FEZ1: variants seen among roughly 807,000 people sequenced by gnomAD.
FEZ1 encodes the protein fasciculation and elongation protein zeta-1.
In FEZ1, 20 loss-of-function variants were observed where a neutral mutation model predicts 49.3. The observed-to-expected ratio is 0.41, with a 90% CI of 0.29 to 0.59. FEZ1 has a LOEUF of 0.59. FEZ1 is among the 20% of genes least tolerant of loss of function. The pLI, the probability that FEZ1 is intolerant of heterozygous loss-of-function variation, is 0.36. For synonymous variants in FEZ1, 170 were observed against 180.9 expected (o/e 0.94, Z 0.48); for missense variants, 413 against 476.0 (o/e 0.87, Z 1.23).
In FEZ1 at chr11:125,483,240, G is replaced by A. The variant is rs540561326; in HGVS notation, c.312-1607C>T. On this transcript the variant is annotated intron_variant, in intron 2 of 9. Coordinates refer to ENST00000278919, the MANE Select transcript of FEZ1 (RefSeq NM_005103.5). ...ATTTTGTTTGTATCAGGAATGCGAC[G>A]TGATATATGGGTTTTAAAAGCAAAA... 1.9e-3 allele frequency among the ~76,000 whole-genome samples: 291 copies of A among 152,126 alleles called. 1 individual carries two copies. Among genetic ancestry groups the A allele is most frequent in the African/African-American group, 6.6e-3 (272 of 41,526 alleles).
chr11:125,471,304 C>G (rs1957180854), intron 3 of FEZ1, among the ~76,000 whole-genome samples: 1 of 151,972 alleles, frequency 6.6e-6, no homozygotes, highest in Admixed American at 6.6e-5. Flanking sequence ...ATAAACTAAA[C>G]ACAATAATCA....
At chr11:125,492,766 A>G (rs77205274) in intron 1 of FEZ1, among the ~76,000 whole-genome samples, 1,829 of 152,284 alleles carry the variant, frequency 0.012, 33 homozygotes, top group African/African-American at 0.032. Flanking sequence ...TGTTAAGTAC[A>G]ATGTGCAGAA....
At chr11:125,493,100 G>C (rs992882367) in intron 1 of FEZ1, among the ~76,000 whole-genome samples, 1 of 151,674 alleles carries the variant, frequency 6.6e-6, no homozygotes, top group Non-Finnish European at 1.5e-5. Flanking sequence ...GCTGAGGTGC[G>C]TGGATCACCT....
Position 125,460,654 on chromosome 11 carries a change from T to C in FEZ1, c.511A>G (p.Ile171Val). 6.2e-7 allele frequency: 1 copy of C among 1,613,836 alleles called. No homozygotes were observed. Among genetic ancestry groups the C allele is most frequent in the Admixed American group, 1.7e-5 (1 of 60,014 alleles). Residue 171 changes from isoleucine to valine, a missense_variant, in exon 5 of 10, where the codon ATT (isoleucine) becomes GTT (valine). Transcript: ENST00000278919. ...LLTADQVIEE[I>V]EEMMQNSPDP... ...GGGGAGTTCTGCATCATTTCCTCAA[T>C]CTCCTCAATTACCTGAAGAAGGTAC... is the stretch of plus-strand genomic sequence containing the variant.
intron 4 of FEZ1, among the ~76,000 whole-genome samples, chr11:125,461,733 T>C (rs1957077128): frequency 6.6e-6 from 1 of 152,240 alleles, no homozygotes; most frequent in Admixed American, 6.5e-5. Context: ...CTGTTCTCCA[T>C]GGATGGACTA....
In FEZ1 at chr11:125,460,697, C is replaced by T. The variant is rs767654767; in HGVS notation, c.499-31G>A. On this transcript the variant is annotated intron_variant, in intron 4 of 9. Transcript: ENST00000278919. ...GAAGGTACACGAGAGAGTGCTAACT[C>T]TGTTCTCTGCTAGAGGGGCATTCTG... 6.9e-6 allele frequency: 11 copies of T among 1,601,790 alleles called. No individual in the cohort carries two copies. The Admixed American group carries it at 1.5e-4, about 22-fold the overall frequency.
At chr11:125,449,962 T>G (rs754066388) in intron 8 of FEZ1, among the ~76,000 whole-genome samples, 2 of 152,038 alleles carry the variant, frequency 1.3e-5, no homozygotes, top group Non-Finnish European at 2.9e-5. Context: ...GTTTTATTTC[T>G]TCTGTATCTT....
At chr11:125,452,287 G>A (rs1373193558) in intron 8 of FEZ1, 47 bp downstream of exon 8, 2 of 1,286,042 alleles carry the variant, frequency 1.6e-6, no homozygotes, top group Non-Finnish European at 1.1e-6. Context: ...CAGGCAGGAA[G>A]GGAGAAAAAG....
rs150225868 is a variant in FEZ1 at position 125,446,118 on chromosome 11, C to T, written c.1163-7G>A. The T allele has an allele frequency of 6.1e-4, 988 of 1,613,892 alleles. 17 individuals carry two copies. The East Asian group carries it at 0.017, about 28-fold the overall frequency. On this transcript the variant is annotated splice_region_variant and splice_polypyrimidine_tract_variant and intron_variant, in intron 9 of 9. Transcript: ENST00000278919. ...GGTTAGGTAGGGCAGAGCACTGCAA[C>T]GAGAAGAGAGGAGGGGAGAGCGGTC... is the stretch of plus-strand genomic sequence containing the variant.
In FEZ1 at chr11:125,442,980, C is replaced by T. The variant is rs1450904728; in HGVS notation, c.*3115G>A. Among the ~76,000 whole-genome samples the T allele has an allele frequency of 6.6e-6, 1 of 152,058 alleles. No homozygotes were observed. The highest frequency in any genetic ancestry group is 6.6e-5 in the Admixed American group (1 of 15,264). On this transcript the variant is annotated 3_prime_UTR_variant, in exon 10 of 10. Coordinates refer to ENST00000278919, the MANE Select transcript of FEZ1 (RefSeq NM_005103.5). ...CAAACTCCTGACCTCAGGTGATCTG[C>T]CCACCTCGGCCTCCCAAAGTTCTGG...
At chr11:125,457,981 CT>C (rs1156939897) in intron 5 of FEZ1, among the ~76,000 whole-genome samples, 1 of 152,144 alleles carries the variant, frequency 6.6e-6, no homozygotes, top group East Asian at 1.9e-4. Context: ...TGCATTTCAG[CT>C]GTTTTCACAA....
Position 125,489,813 on chromosome 11 carries a change from A to G in FEZ1, c.-36T>C. The G allele has an allele frequency of 6.6e-7, 1 of 1,516,402 alleles. No homozygotes were observed. Among genetic ancestry groups the G allele is most frequent in the Non-Finnish European group, 8.8e-7 (1 of 1,134,314 alleles). 93.9% of individuals were successfully genotyped at this position (1,516,402 alleles called of 1,614,324 possible). On this transcript the variant is annotated 5_prime_UTR_variant, in exon 2 of 10. Transcript: ENST00000278919. This position sits in a 1 kb window ranked among gnomAD's most constrained non-coding sequence, Gnocchi z 4.2. The stretch of plus-strand genomic sequence containing the variant: ...CAGGAGAACAACAGCGACTTTCAGG[A>G]TGAGTTTATCTAAAAGAAATGAACA...
rs747543414 is a variant in FEZ1, at chr11:125,454,125, C to A, written c.1020+5G>T. 6.2e-7 allele frequency: 1 copy of A among 1,609,688 alleles called. No homozygotes were observed. The highest frequency in any genetic ancestry group is 8.5e-7 in the Non-Finnish European group (1 of 1,176,882). On this transcript the variant is annotated splice_donor_5th_base_variant and intron_variant, in intron 7 of 9. Coordinates refer to ENST00000278919, the MANE Select transcript of FEZ1 (RefSeq NM_005103.5). ...GAGAGCTTGGAGCAGGGAGACTACGCGTACCTGTTTGTCAGTTCCTGAGGA... is the reference window on the plus strand; with the variant it reads ...GAGAGCTTGGAGCAGGGAGACTACGAGTACCTGTTTGTCAGTTCCTGAGGA...
Position 125,495,103 on chromosome 11 carries a change from C to T in FEZ1, c.-46+1018G>A, listed in dbSNP as rs1430394880. On this transcript the variant is annotated intron_variant, in intron 1 of 9. Transcript: ENST00000278919. This position sits in a 1 kb window ranked among gnomAD's most constrained non-coding sequence, Gnocchi z 4.2. The stretch of plus-strand genomic sequence containing the variant: ...TTCGTTGCATATGGATCAGCAACCC[C>T]TTCGCGGTTCTGCTTGCTCCCCTCC... 2 of 344,720 alleles carry T rather than the reference C, an allele frequency of 5.8e-6. No homozygotes were observed. Among genetic ancestry groups the T allele is most frequent in the Non-Finnish European group, 1.2e-5 (2 of 169,726 alleles). 21.4% of individuals were successfully genotyped at this position (344,720 alleles called of 1,614,324 possible). A position where few individuals can be genotyped will look rare whatever the true frequency, so the allele number is the denominator to read the frequency against.
chr11:125,490,928 A>G (rs1957375235), intron 1 of FEZ1, among the ~76,000 whole-genome samples: 1 of 151,774 alleles, frequency 6.6e-6, no homozygotes, highest in Admixed American at 6.6e-5. Flanking sequence ...TAATTTTTGT[A>G]TTATTAGTAG....
At position 125,468,631 on chromosome 11, in the gene FEZ1, C is replaced by T. The variant is rs114813455; in HGVS notation, c.412-5061G>A. On this transcript the variant is annotated intron_variant, in intron 3 of 9. Coordinates refer to ENST00000278919, the MANE Select transcript of FEZ1 (RefSeq NM_005103.5). ...GAGTCAAGGGATCAAAAAAGAATAA[C>T]CCAAAAGGGACAAAGTGAACAGGAG... Among the ~76,000 whole-genome samples, 618 of 152,176 alleles carry T rather than the reference C, an allele frequency of 4.1e-3. 1 individual carries two copies. Among genetic ancestry groups the T allele is most frequent in the African/African-American group, 0.015 (602 of 41,512 alleles).
At chr11:125,485,501 T>G (rs1957318907) in intron 2 of FEZ1, among the ~76,000 whole-genome samples, 1 of 152,178 alleles carries the variant, frequency 6.6e-6, no homozygotes, top group East Asian at 1.9e-4. Flanking sequence ...TTAAAGGGCT[T>G]ATTAGAATTC....
In FEZ1 at chr11:125,489,519, C is replaced by G; in HGVS notation, c.259G>C (p.Val87Leu). 1 of 1,614,066 alleles carries G rather than the reference C, an allele frequency of 6.2e-7. No individual in the cohort carries two copies. The highest frequency in any genetic ancestry group is 1.1e-5 in the South Asian group (1 of 91,070). ...YNAKTENLAP[V>L]KNQLQIQEEE... Reference sequence around the variant, plus strand: ...TCTTGGATCTGTAACTGGTTCTTCACGGGAGCTAGGTTCTCGGTCTTGGCG... The same window carrying G: ...TCTTGGATCTGTAACTGGTTCTTCAGGGGAGCTAGGTTCTCGGTCTTGGCG... The change falls in exon 2 of 10, where the codon GTG becomes CTG. Residue 87 changes from valine (V) to leucine (L), a missense_variant. Val to Leu is a conservative substitution (Grantham distance 32, BLOSUM62 1). Coordinates refer to ENST00000278919, the MANE Select transcript of FEZ1 (RefSeq NM_005103.5). The surrounding 1 kb of genome is among the most constrained non-coding windows in gnomAD (Gnocchi z 4.2).
chr11:125,448,439 C>T (rs2135734615), intron 9 of FEZ1, 63 bp downstream of exon 9: 1 of 1,126,018 alleles, frequency 8.9e-7, no homozygotes, highest in Admixed American at 1.7e-5. Flanking sequence ...GGGAAGGTTC[C>T]CTAACTGGAG....
Sources: allele counts gnomAD v4.1 joint callset (sites outside exome capture counted in the v4.1 genomes callset), GRCh38; gene constraint gnomAD v4.1.1; non-coding constraint Gnocchi (gnomAD v3.1); transcripts MANE v1.5; gene names NCBI Gene and HGNC (gene_info 2026-07-23, HGNC 2026-07-21).